The following PCDH11X variants were observed in gnomAD, a reference collection of about 807,000 sequenced individuals.
PCDH11X encodes the protein protocadherin-11 X-linked.
PCDH11X carries 18 observed loss-of-function variants against 53.3 expected under a neutral mutation model. That is an observed-to-expected ratio of 0.34 (90% CI 0.23 to 0.50). The LOEUF (loss-of-function observed/expected upper bound fraction) is 0.50, where lower values mean the gene tolerates loss of function less well. PCDH11X is among the 20% of genes least tolerant of loss of function. The pLI, the probability that PCDH11X is intolerant of heterozygous loss-of-function variation, is 0.98. For synonymous variants in PCDH11X, 279 were observed against 393.3 expected (o/e 0.71, Z 3.44); for missense variants, 570 against 1,032.4 (o/e 0.55, Z 6.14).
chrX:91,852,492 G>A (rs914834431), intron 5 of PCDH11X, among the ~76,000 whole-genome samples: 3 of 110,785 alleles, frequency 2.7e-5, no homozygotes, highest in African/African-American at 9.8e-5. Flanking sequence ...TTTTCTCAGA[G>A]TCTTTTCTGA....
chrX:92,176,545 T>G (rs1221557900), intron 6 of PCDH11X, among the ~76,000 whole-genome samples: 1 of 112,181 alleles, frequency 8.9e-6, no homozygotes, highest in African/African-American at 3.2e-5. Flanking sequence ...CTTGTATACT[T>G]GATCATAAAA....
At chrX:91,816,694 A>C (rs1936462887) in intron 4 of PCDH11X, among the ~76,000 whole-genome samples, 1 of 111,423 alleles carries the variant, frequency 9.0e-6, no homozygotes, top group East Asian at 2.8e-4. Flanking sequence ...GCATATATTT[A>C]AGGAAGGATG....
chrX:91,980,964 T>TA (rs1473074550), intron 6 of PCDH11X, among the ~76,000 whole-genome samples: 1 of 90,997 alleles, frequency 1.1e-5, no homozygotes, highest in Non-Finnish European at 2.1e-5. Flanking sequence ...TGTATATATA[T>TA]ATATATATAC....
At chrX:92,195,464 C>T (rs1290794632) in intron 6 of PCDH11X, among the ~76,000 whole-genome samples, 1 of 111,171 alleles carries the variant, frequency 9.0e-6, no homozygotes, top group Non-Finnish European at 1.9e-5. Flanking sequence ...CTCGTTTTTT[C>T]CACATTTCTC....
intron 8 of PCDH11X, among the ~76,000 whole-genome samples, chrX:92,275,158 G>A (rs1300861611): frequency 1.9e-5 from 2 of 103,283 alleles, no homozygotes; most frequent in African/African-American, 3.5e-5. Context: ...GCCTCTGCAC[G>A]CAGACCTGAG....
chrX:91,798,845 C>T (rs2563568), intron 1 of PCDH11X, among the ~76,000 whole-genome samples: 9 of 109,522 alleles, frequency 8.2e-5, no homozygotes, highest in African/African-American at 2.7e-4. Flanking sequence ...ATTACCACTA[C>T]ATAGCAGTGA....
chrX:92,287,558 C>A lies in PCDH11X; in HGVS notation c.3144+24415C>A, dbSNP rs757022920. On this transcript the variant is annotated intron_variant, in intron 8 of 10. Coordinates refer to ENST00000682573, the MANE Select transcript of PCDH11X (RefSeq NM_032968.5). ...CATTTAATGTGCTCATTCAATCAAC[C>A]AGCAACCCTGATACTAGTGTTGCAC... Among the ~76,000 whole-genome samples the A allele has an allele frequency of 2.7e-5, 3 of 111,956 alleles. No homozygotes were observed. The South Asian group carries it at 1.1e-3, about 42-fold the overall frequency.
intron 6 of PCDH11X, among the ~76,000 whole-genome samples, chrX:91,936,491 G>T (rs1456600248): frequency 1.9e-5 from 2 of 107,952 alleles, no homozygotes. Flanking sequence ...TTTCATTCTT[G>T]ACTTGCTCCT....
intron 7 of PCDH11X, among the ~76,000 whole-genome samples, chrX:92,211,638 A>T (rs1187580987): frequency 8.9e-6 from 1 of 112,223 alleles, no homozygotes; most frequent in Admixed American, 9.5e-5. Flanking sequence ...TAGATGAAGG[A>T]ACTGCTACAT....
intron 10 of PCDH11X, among the ~76,000 whole-genome samples, chrX:92,557,541 A>T (rs1302616486): frequency 1.8e-5 from 2 of 111,507 alleles, no homozygotes; most frequent in East Asian, 5.7e-4. Context: ...CTTGGACTGC[A>T]TTGTCTATAT....
chrX:91,790,915 G>T (rs904811007), intron 1 of PCDH11X, among the ~76,000 whole-genome samples: 19 of 106,660 alleles, frequency 1.8e-4, no homozygotes, highest in Non-Finnish European at 5.8e-5. Flanking sequence ...ACAACTGAAA[G>T]TTTTCACTTC....
chrX:92,261,401 G>T (rs772043906), intron 7 of PCDH11X, among the ~76,000 whole-genome samples: 1 of 111,774 alleles, frequency 8.9e-6, no homozygotes, highest in African/African-American at 3.2e-5. Flanking sequence ...TTCTTTTTCA[G>T]TAAAATGATA....
intron 6 of PCDH11X, among the ~76,000 whole-genome samples, chrX:92,180,714 G>T (rs892300785): frequency 1.8e-5 from 2 of 111,666 alleles, no homozygotes; most frequent in Admixed American, 1.9e-4. Context: ...AGTCTCACAA[G>T]ATCTGATGCT....
At chrX:92,364,345 T>C (rs774139432) in intron 8 of PCDH11X, among the ~76,000 whole-genome samples, 1 of 112,113 alleles carries the variant, frequency 8.9e-6, no homozygotes, top group East Asian at 2.8e-4. Flanking sequence ...CATGTTACTG[T>C]ACTGAATACT....
At chrX:92,305,496 T>G (rs2068807246) in intron 8 of PCDH11X, among the ~76,000 whole-genome samples, 1 of 110,195 alleles carries the variant, frequency 9.1e-6, no homozygotes, top group African/African-American at 3.3e-5. Flanking sequence ...TTGGACTTCC[T>G]CTTCTTATAA....
chrX:92,475,164 CAAAAAAAAAAAAAAAA>C (rs761171281), intron 10 of PCDH11X, among the ~76,000 whole-genome samples: 1 of 30,541 alleles, frequency 3.3e-5, no homozygotes, highest in South Asian at 3.9e-3. Flanking sequence ...GACTCCGTCT[CAAAAAAAAAAAAAAAA>C]AAAAAAAAAA....
intron 9 of PCDH11X, among the ~76,000 whole-genome samples, chrX:92,467,539 A>T (rs1287165932): frequency 9.0e-6 from 1 of 111,327 alleles, no homozygotes; most frequent in East Asian, 2.8e-4. Context: ...CCAGATCAAT[A>T]CATATTTGGC....
chrX:92,066,023 A>AT (rs1355089619), intron 6 of PCDH11X, among the ~76,000 whole-genome samples: 1 of 109,721 alleles, frequency 9.1e-6, no homozygotes, highest in Non-Finnish European at 1.9e-5. Context: ...TTGATTTGAT[A>AT]TTTTTGTAAG....
chrX:91,813,350 G>A (rs770879900), intron 4 of PCDH11X, among the ~76,000 whole-genome samples: 7 of 106,321 alleles, frequency 6.6e-5, no homozygotes, highest in Admixed American at 5.1e-4. Context: ...TAACCTTATC[G>A]TTACTCTTAT....
Sources: allele counts gnomAD v4.1 joint callset (sites outside exome capture counted in the v4.1 genomes callset), GRCh38; gene constraint gnomAD v4.1.1; transcripts MANE v1.5; gene names NCBI Gene and HGNC (gene_info 2026-07-23, HGNC 2026-07-21).